The following PCDH7 variants were observed in gnomAD, a reference collection of about 807,000 sequenced individuals.
The protein encoded by PCDH7 is protocadherin-7.
PCDH7 carries 17 observed loss-of-function variants against 58.9 expected under a neutral mutation model. The observed-to-expected ratio is 0.29, with a 90% CI of 0.20 to 0.43. The LOEUF is 0.43. Ranked by LOEUF, PCDH7 falls within the 20% of genes least tolerant of loss-of-function variation. The probability of loss-of-function intolerance (pLI) is 1.00; values close to 1 mark genes in which losing one functional copy is unlikely to be tolerated. For missense variants in PCDH7, 1,274 were observed against 1,441.0 expected, an observed-to-expected ratio of 0.88 and a Z score of 1.88; for synonymous variants, 664 against 616.4, an observed-to-expected ratio of 1.08 and a Z score of -1.14.
At chr4:30,821,098 T>C (rs1318440522) in intron 1 of PCDH7, among the ~76,000 whole-genome samples, 2 of 152,176 alleles carry the variant, frequency 1.3e-5, no homozygotes, top group Admixed American at 1.3e-4. Flanking sequence ...AGATAGGTAC[T>C]GTTATTTGAC....
chr4:31,120,648 G>A (rs568172327), intron 3 of PCDH7, among the ~76,000 whole-genome samples: 5 of 151,920 alleles, frequency 3.3e-5, no homozygotes, highest in Non-Finnish European at 5.9e-5. Context: ...TCATTTGTTC[G>A]CTGCAATGTC....
At chr4:31,000,282 G>A (rs897330098) in intron 3 of PCDH7, among the ~76,000 whole-genome samples, 3 of 152,044 alleles carry the variant, frequency 2.0e-5, no homozygotes, top group Admixed American at 1.3e-4. Flanking sequence ...AAAGCTAGAA[G>A]AACTTTTTTC....
downstream of PCDH7, among the ~76,000 whole-genome samples, chr4:30,737,756 G>A (rs1019042474): frequency 6.6e-6 from 1 of 152,126 alleles, no homozygotes; most frequent in East Asian, 1.9e-4. Flanking sequence ...GGTAAAGCTT[G>A]TTGTCATAAA....
At chr4:31,048,329 T>A (rs1285108600) in intron 3 of PCDH7, among the ~76,000 whole-genome samples, 1 of 152,048 alleles carries the variant, frequency 6.6e-6, no homozygotes, top group South Asian at 2.1e-4. Flanking sequence ...TCCAAAAACA[T>A]GTTAACAATC....
At chr4:30,805,422 AACTACTTC>A (rs1165257392) in intron 1 of PCDH7, among the ~76,000 whole-genome samples, 14 of 152,240 alleles carry the variant, frequency 9.2e-5, no homozygotes, top group African/African-American at 3.4e-4. Context: ...TAATACTAAG[AACTACTTC>A]ATGGGGTTTT....
chr4:30,983,066 T>A (rs1236465162), intron 3 of PCDH7, among the ~76,000 whole-genome samples: 1 of 152,134 alleles, frequency 6.6e-6, no homozygotes, highest in Non-Finnish European at 1.5e-5. Flanking sequence ...CTGCCTCTTG[T>A]TAGGATCAAG....
intron 1 of PCDH7, among the ~76,000 whole-genome samples, chr4:30,871,349 G>T (rs1735556968): frequency 6.6e-6 from 1 of 151,950 alleles, no homozygotes; most frequent in Admixed American, 6.6e-5. Flanking sequence ...TTCATCTTGT[G>T]GCTCCATGAC....
intron 1 of PCDH7, among the ~76,000 whole-genome samples, chr4:30,765,996 C>T (rs773698608): frequency 3.3e-5 from 5 of 151,780 alleles, no homozygotes; most frequent in African/African-American, 7.2e-5. Flanking sequence ...TCCCTTAAGA[C>T]GGAGAAGGGA....
chr4:30,863,725 T>C (rs920966744), intron 1 of PCDH7, among the ~76,000 whole-genome samples: 2 of 152,074 alleles, frequency 1.3e-5, no homozygotes, highest in Non-Finnish European at 2.9e-5. Context: ...TATTTAAACT[T>C]TTGTATTGAA....
intron 1 of PCDH7, among the ~76,000 whole-genome samples, chr4:30,768,175 T>A (rs4995324): frequency 0.55 from 83,832 of 152,018 alleles, 24,093 homozygotes; most frequent in African/African-American, 0.72. Flanking sequence ...CATGCATCAA[T>A]CAATTGATGA....
At chr4:30,887,674 T>G (rs997098182) in intron 1 of PCDH7, among the ~76,000 whole-genome samples, 2 of 152,150 alleles carry the variant, frequency 1.3e-5, no homozygotes, top group African/African-American at 4.8e-5. Context: ...GATTTATTAG[T>G]TTAGGTATGA....
chr4:31,073,237 C>T lies in PCDH7; in HGVS notation c.*8-69236C>T, dbSNP rs1758700047. Reference sequence around the variant, plus strand: ...CATAGCATTACATCATTGAAAGCATCTGAGCAGAGAAGCAAAAAGATCTTA... The same window carrying T: ...CATAGCATTACATCATTGAAAGCATTTGAGCAGAGAAGCAAAAAGATCTTA... On this transcript the variant is annotated intron_variant, in intron 3 of 3. Transcript: ENST00000509759. Among the ~76,000 whole-genome samples the T allele has an allele frequency of 2.0e-5, 3 of 152,260 alleles. No homozygotes were observed. In the South Asian group the frequency reaches 6.2e-4, roughly 32 times the overall value.
chr4:30,770,013 G>T (rs141811559), intron 1 of PCDH7, among the ~76,000 whole-genome samples: 3 of 152,228 alleles, frequency 2.0e-5, no homozygotes, highest in Admixed American at 6.5e-5. Context: ...GGCCAATCCC[G>T]CAGGCTTTGT....
At chr4:30,752,404 A>C (rs1480234173) in intron 1 of PCDH7, among the ~76,000 whole-genome samples, 1 of 152,148 alleles carries the variant, frequency 6.6e-6, no homozygotes, top group Non-Finnish European at 1.5e-5. Context: ...TTTTTCCAAC[A>C]CATCTCACAC....
chr4:31,109,747 C>T (rs138850264), intron 3 of PCDH7, among the ~76,000 whole-genome samples: 5 of 152,316 alleles, frequency 3.3e-5, no homozygotes, highest in East Asian at 1.9e-4. Flanking sequence ...TTCCAAAATA[C>T]GTATTCCTAA....
At chr4:30,858,081 T>C (rs1733716350) in intron 1 of PCDH7, among the ~76,000 whole-genome samples, 1 of 152,186 alleles carries the variant, frequency 6.6e-6, no homozygotes, top group African/African-American at 2.4e-5. Context: ...GCAAAAATTG[T>C]TTCTTGATAC....
At chr4:31,043,047 T>C (rs904296707) in intron 3 of PCDH7, among the ~76,000 whole-genome samples, 3 of 152,062 alleles carry the variant, frequency 2.0e-5, no homozygotes, top group Non-Finnish European at 4.4e-5. Flanking sequence ...ACTCTCATGA[T>C]AATGCATTAA....
intron 3 of PCDH7, among the ~76,000 whole-genome samples, chr4:31,041,732 T>C (rs1755885570): frequency 6.6e-6 from 1 of 152,102 alleles, no homozygotes; most frequent in African/African-American, 2.4e-5. Flanking sequence ...TTATGTAGCG[T>C]TTTCATCCAA....
chr4:31,076,967 G>A (rs897704107), intron 3 of PCDH7, among the ~76,000 whole-genome samples: 1 of 152,016 alleles, frequency 6.6e-6, no homozygotes, highest in Admixed American at 6.6e-5. Flanking sequence ...GGGCAGGAAT[G>A]CTCATTATCA....
Sources: allele counts gnomAD v4.1 joint callset (sites outside exome capture counted in the v4.1 genomes callset), GRCh38; gene constraint gnomAD v4.1.1; transcripts MANE v1.5; gene names NCBI Gene and HGNC (gene_info 2026-07-23, HGNC 2026-07-21).